The following KIT variants were observed in gnomAD, a reference collection of about 807,000 sequenced individuals.
The protein encoded by KIT is mast/stem cell growth factor receptor Kit.
KIT carries 16 observed loss-of-function variants against 105.7 expected under a neutral mutation model. The observed-to-expected ratio is 0.15, with a 90% CI of 0.10 to 0.23. The LOEUF (loss-of-function observed/expected upper bound fraction) is 0.23. Ranked by LOEUF, KIT falls within the 10% of genes least tolerant of loss-of-function variation. The pLI is 1.00. For synonymous variants in KIT, 438 were observed against 441.1 expected (o/e 0.99, Z 0.09); for missense variants, 858 against 1,213.8 (o/e 0.71, Z 4.36).
intron 4 of KIT, among the ~76,000 whole-genome samples, chr4:54,702,381 A>T (rs1017863844): frequency 6.6e-6 from 1 of 152,110 alleles, no homozygotes; most frequent in Non-Finnish European, 1.5e-5. Flanking sequence ...TAGGTGTTTT[A>T]CATTTTTTTA....
intron 1 of KIT, among the ~76,000 whole-genome samples, chr4:54,683,186 TTG>T (rs1719071430): frequency 6.6e-6 from 1 of 152,132 alleles, no homozygotes; most frequent in African/African-American, 2.4e-5. Flanking sequence ...GATCTTAGAA[TTG>T]TTAGTGGCTT....
chr4:54,709,421 T>C lies in KIT; in HGVS notation c.1116-3T>C. On this transcript the variant is annotated splice_region_variant and splice_polypyrimidine_tract_variant and intron_variant, in intron 6 of 20. Coordinates refer to ENST00000288135, the MANE Select transcript of KIT (RefSeq NM_000222.3). ...TGATTGACTAGTTGTCTTTTCTTTG[T>C]AGATACGTAAGTGAACTTCATCTAA... 6.3e-7 allele frequency: 1 copy of C among 1,585,094 alleles called. No homozygotes were observed. The highest frequency in any genetic ancestry group is 1.1e-5 in the South Asian group (1 of 90,504).
At chr4:54,728,942 G>A (rs1015314045) in intron 13 of KIT, among the ~76,000 whole-genome samples, 17 of 152,142 alleles carry the variant, frequency 1.1e-4, no homozygotes, top group African/African-American at 3.9e-4. Context: ...GCCACAGTTT[G>A]TGCCTTCATT....
chr4:54,728,133 T>C lies in KIT; in HGVS notation c.1990+12T>C. The C allele has an allele frequency of 6.4e-7, 1 of 1,564,666 alleles. No individual in the cohort carries two copies. The highest frequency in any genetic ancestry group is 8.8e-7 in the Non-Finnish European group (1 of 1,134,990). Reference sequence around the variant, plus strand: ...CTGCACCATTGGAGGTAAAGCCGTGTCCAAGCTGCCTTTTATTGTCTGTCA... The same window carrying C: ...CTGCACCATTGGAGGTAAAGCCGTGCCCAAGCTGCCTTTTATTGTCTGTCA... On this transcript the variant is annotated intron_variant, in intron 13 of 20. Coordinates refer to ENST00000288135, the MANE Select transcript of KIT (RefSeq NM_000222.3).
chr4:54,694,370 G>GAGACAGAGTCTCTCTAAAGTA (rs1719912936), intron 1 of KIT, among the ~76,000 whole-genome samples: 1 of 152,050 alleles, frequency 6.6e-6, no homozygotes, highest in Non-Finnish European at 1.5e-5. Flanking sequence ...TGTTTTTAGA[G>GAGACAGAGTCTCTCTAAAGTA]AGACAGAGTC....
intron 20 of KIT, among the ~76,000 whole-genome samples, chr4:54,737,710 C>T (rs911010747): frequency 9.2e-5 from 14 of 152,184 alleles, no homozygotes; most frequent in African/African-American, 3.4e-4. Context: ...GCCTTCTGAT[C>T]AAACAAGCAT....
In KIT at chr4:54,707,207, C is replaced by G. The variant is rs1446098264; in HGVS notation, c.1035C>G (p.His345Gln). ...ATGAAGCATTCCCCAAACCTGAACA[C>G]CAGCAGTGGATCTATATGAACAGAA... The part of the protein sequence containing the change: ...VEYEAFPKPE[H>Q]QQWIYMNRTF... Residue 345 changes from histidine (H) to glutamine (Q), a missense_variant, in exon 6 of 21, where the codon CAC (histidine) becomes CAG (glutamine). Coordinates refer to ENST00000288135, the MANE Select transcript of KIT (RefSeq NM_000222.3). 1.2e-6 allele frequency: 2 copies of G among 1,610,008 alleles called. No individual in the cohort carries two copies. The highest frequency in any genetic ancestry group is 1.7e-6 in the Non-Finnish European group (2 of 1,176,384).
intron 1 of KIT, among the ~76,000 whole-genome samples, chr4:54,662,634 G>T (rs567660201): frequency 6.6e-6 from 1 of 152,070 alleles, no homozygotes; most frequent in Non-Finnish European, 1.5e-5. Context: ...GTGCAATGGC[G>T]CAATCTCGTC....
At chr4:54,707,347 C>A in intron 6 of KIT, 60 bp downstream of exon 6, 1 of 1,205,310 alleles carries the variant, frequency 8.3e-7, no homozygotes, top group South Asian at 1.2e-5. Flanking sequence ...GTGGGCTTAT[C>A]AGATCTTATT....
intron 1 of KIT, among the ~76,000 whole-genome samples, chr4:54,678,292 C>G (rs1718631576): frequency 3.8e-5 from 1 of 26,068 alleles, no homozygotes; most frequent in South Asian, 1.7e-3. Context: ...CTGGCTCGCT[C>G]CTTCCTTCCT....
chr4:54,702,347 G>T (rs1030990650), intron 4 of KIT, among the ~76,000 whole-genome samples: 1 of 151,876 alleles, frequency 6.6e-6, no homozygotes, highest in East Asian at 1.9e-4. Flanking sequence ...ATTTCATAAT[G>T]TAATTAACAT....
chr4:54,676,823 C>G (rs1420231932), intron 1 of KIT, among the ~76,000 whole-genome samples: 1 of 152,076 alleles, frequency 6.6e-6, no homozygotes, highest in Non-Finnish European at 1.5e-5. Context: ...CCTATCCACC[C>G]ATCTGTGGCC....
chr4:54,681,971 TCAAAAACAAA>T (rs1175478685), intron 1 of KIT, among the ~76,000 whole-genome samples: 2 of 151,852 alleles, frequency 1.3e-5, no homozygotes, highest in Non-Finnish European at 2.9e-5. Flanking sequence ...AGACTCCATC[TCAAAAACAAA>T]CAAAAACAAA....
At chr4:54,730,371 A>G (rs1206146556) in intron 14 of KIT, among the ~76,000 whole-genome samples, 1 of 152,176 alleles carries the variant, frequency 6.6e-6, no homozygotes, top group Non-Finnish European at 1.5e-5. Context: ...TCTTAACACC[A>G]GGTCCTCAAG....
intron 1 of KIT, among the ~76,000 whole-genome samples, chr4:54,692,319 C>A (rs1719769474): frequency 6.6e-6 from 1 of 152,182 alleles, no homozygotes; most frequent in African/African-American, 2.4e-5. Context: ...ACATGTGTTA[C>A]CTCACTTGAT....
intron 11 of KIT, 83 bp from the exon 12 acceptor site, chr4:54,727,740 A>C: frequency 7.5e-7 from 1 of 1,325,224 alleles, no homozygotes; most frequent in Non-Finnish European, 1.1e-6. Flanking sequence ...TAATTCCTTT[A>C]TTGATTTTGA....
chr4:54,693,516 T>C (rs1248344710), intron 1 of KIT, among the ~76,000 whole-genome samples: 2 of 152,184 alleles, frequency 1.3e-5, no homozygotes, highest in African/African-American at 2.4e-5. Context: ...ATCATCTGAA[T>C]TCCAGGTCAT....
At chr4:54,688,185 CTTTG>C (rs757375543) in intron 1 of KIT, among the ~76,000 whole-genome samples, 2 of 152,178 alleles carry the variant, frequency 1.3e-5, no homozygotes, top group Admixed American at 6.5e-5. Context: ...AGTATCATCT[CTTTG>C]TTTGTAAAGC....
At chr4:54,707,308 T>A in intron 6 of KIT, 21 bp downstream of exon 6, 1 of 1,551,328 alleles carries the variant, frequency 6.4e-7, no homozygotes, top group Non-Finnish European at 8.9e-7. Flanking sequence ...GACCTTGCCC[T>A]GGGGGATTAC....
Sources: allele counts gnomAD v4.1 joint callset (sites outside exome capture counted in the v4.1 genomes callset), GRCh38; gene constraint gnomAD v4.1.1; transcripts MANE v1.5; gene names NCBI Gene and HGNC (gene_info 2026-07-23, HGNC 2026-07-21).